HEMK2: variants seen among roughly 807,000 people sequenced by gnomAD.
HEMK2 encodes HemK methyltransferase 2, ETF1 glutamine and histone H4 lysine.
the HEMK2 span, among the ~76,000 whole-genome samples, chr21:28,587,186 A>C: frequency 4.1e-4 from 58 of 142,046 alleles, no homozygotes; most frequent in African/African-American, 1.6e-3. Flanking sequence ...AAAAAAAAAA[A>C]AAACACTTCA....
the HEMK2 span, among the ~76,000 whole-genome samples, chr21:28,856,566 C>T: frequency 6.6e-6 from 1 of 152,180 alleles, no homozygotes; most frequent in Non-Finnish European, 1.5e-5. Flanking sequence ...CGAGTAAATT[C>T]TGTACCTTCA....
chr21:28,662,758 C>T, the HEMK2 span, among the ~76,000 whole-genome samples: 1 of 152,162 alleles, frequency 6.6e-6, no homozygotes, highest in African/African-American at 2.4e-5. Context: ...TGCTACCCTT[C>T]CACCATGACT....
chr21:28,596,128 T>A, the HEMK2 span, among the ~76,000 whole-genome samples: 16 of 152,098 alleles, frequency 1.1e-4, no homozygotes, highest in Admixed American at 3.9e-4. Context: ...CTGCAAGCTC[T>A]GCCTCAGCCT....
At chr21:28,593,291 A>T in the HEMK2 span, among the ~76,000 whole-genome samples, 2 of 152,226 alleles carry the variant, frequency 1.3e-5, no homozygotes, top group Non-Finnish European at 2.9e-5. Flanking sequence ...CTTGGATCTC[A>T]TCTCCAAGGT....
At chr21:28,879,914 G>A in the HEMK2 span, 2 of 1,599,148 alleles carry the variant, frequency 1.3e-6, no homozygotes, top group Admixed American at 1.7e-5. Flanking sequence ...AACACCAGAA[G>A]ATCAACTTTT....
the HEMK2 span, among the ~76,000 whole-genome samples, chr21:28,699,378 T>C: frequency 6.6e-6 from 1 of 152,228 alleles, no homozygotes; most frequent in Non-Finnish European, 1.5e-5. Context: ...TGTAGCTATG[T>C]CCACATTTAG....
chr21:28,592,307 T>C, the HEMK2 span, among the ~76,000 whole-genome samples: 5 of 152,342 alleles, frequency 3.3e-5, no homozygotes, highest in South Asian at 4.1e-4. Context: ...ATCAGCGATG[T>C]TGAGGTTTTA....
the HEMK2 span, among the ~76,000 whole-genome samples, chr21:28,784,039 C>A: frequency 1.6e-4 from 25 of 152,172 alleles, no homozygotes; most frequent in African/African-American, 5.3e-4. Context: ...GAGCCTCCCC[C>A]CACGGCGGTG....
the HEMK2 span, among the ~76,000 whole-genome samples, chr21:28,776,845 C>G: frequency 6.6e-6 from 1 of 152,166 alleles, no homozygotes; most frequent in Non-Finnish European, 1.5e-5. Flanking sequence ...CCACGTTCTT[C>G]TGCCTGCTTT....
chr21:28,637,500 G>A, the HEMK2 span, among the ~76,000 whole-genome samples: 1 of 151,698 alleles, frequency 6.6e-6, no homozygotes, highest in Non-Finnish European at 1.5e-5. Context: ...TCTCAACAGA[G>A]CTGAGAATCG....
At chr21:28,652,363 C>A in the HEMK2 span, among the ~76,000 whole-genome samples, 1 of 152,136 alleles carries the variant, frequency 6.6e-6, no homozygotes, top group African/African-American at 2.4e-5. Flanking sequence ...TTGACCCAAT[C>A]AGATTGGAAA....
At chr21:28,726,629 C>G in the HEMK2 span, among the ~76,000 whole-genome samples, 532 of 152,240 alleles carry the variant, frequency 3.5e-3, 1 homozygote, top group African/African-American at 0.012. Context: ...ATTTTCAGGC[C>G]AGGCACAGTG....
the HEMK2 span, among the ~76,000 whole-genome samples, chr21:28,838,335 C>A: frequency 2.6e-5 from 4 of 151,038 alleles, no homozygotes; most frequent in Admixed American, 6.6e-5. Flanking sequence ...GAGATTGAGA[C>A]CATCCTGGCT....
At chr21:28,793,815 G>T in the HEMK2 span, among the ~76,000 whole-genome samples, 1 of 152,082 alleles carries the variant, frequency 6.6e-6, no homozygotes, top group Non-Finnish European at 1.5e-5. Context: ...CAGGGAGAAG[G>T]AGTCAAAGGC....
chr21:28,776,587 G>A, the HEMK2 span, among the ~76,000 whole-genome samples: 1 of 152,158 alleles, frequency 6.6e-6, no homozygotes, highest in Admixed American at 6.5e-5. Context: ...ATCACAAGGT[G>A]AAGTCCCACA....
chr21:28,747,680 T>C, the HEMK2 span, among the ~76,000 whole-genome samples: 1 of 152,314 alleles, frequency 6.6e-6, no homozygotes, highest in African/African-American at 2.4e-5. Flanking sequence ...TACCATGGAA[T>C]ACTATGCAGC....
chr21:28,630,255 C>T, the HEMK2 span, among the ~76,000 whole-genome samples: 401 of 152,020 alleles, frequency 2.6e-3, 2 homozygotes, highest in Non-Finnish European at 5.7e-4. Context: ...GTTAGAATGG[C>T]GATCATTAAA....
At chr21:28,722,505 T>A in the HEMK2 span, among the ~76,000 whole-genome samples, 1 of 152,234 alleles carries the variant, frequency 6.6e-6, no homozygotes, top group Non-Finnish European at 1.5e-5. Context: ...GAGAGAGTTG[T>A]TTCCATTTAA....
chr21:28,785,748 T>C, the HEMK2 span, among the ~76,000 whole-genome samples: 1 of 152,152 alleles, frequency 6.6e-6, no homozygotes, highest in African/African-American at 2.4e-5. Flanking sequence ...TCCCTACACA[T>C]AAACAAATTC....
Sources: allele counts gnomAD v4.1 joint callset (sites outside exome capture counted in the v4.1 genomes callset), GRCh38; gene constraint gnomAD v4.1.1; transcripts MANE v1.5; gene names NCBI Gene and HGNC (gene_info 2026-07-23, HGNC 2026-07-21).